Variants in TRAF3 observed in about 807,000 individuals in gnomAD.
TRAF3 encodes the protein TNF receptor associated factor 3.
Under a neutral mutation model 62.3 loss-of-function variants are expected in TRAF3, and 13 were observed. The observed-to-expected ratio is 0.21, with a 90% CI of 0.14 to 0.33. The LOEUF is 0.33. Among genes scored for constraint, TRAF3 ranks in the 10% least tolerant of loss-of-function variants. The pLI is 1.00. For missense variants in TRAF3, 440 were observed against 741.8 expected, an observed-to-expected ratio of 0.59 and a Z score of 4.73; for synonymous variants, 269 against 283.4, an observed-to-expected ratio of 0.95 and a Z score of 0.51.
chr14:102,858,299 G>A (rs558038632), intron 2 of TRAF3, among the ~76,000 whole-genome samples: 6 of 152,076 alleles, frequency 3.9e-5, no homozygotes, highest in African/African-American at 7.2e-5. Context: ...TTACAGGTAC[G>A]CACCACCACG....
intron 2 of TRAF3, among the ~76,000 whole-genome samples, chr14:102,835,606 C>T (rs764017768): frequency 5.3e-5 from 8 of 152,164 alleles, no homozygotes; most frequent in African/African-American, 1.7e-4. Context: ...TTTGCAAGAA[C>T]GTGGTTGGGA....
At chr14:102,898,733 A>G (rs1213601248) in intron 10 of TRAF3, among the ~76,000 whole-genome samples, 1 of 152,244 alleles carries the variant, frequency 6.6e-6, no homozygotes, top group Non-Finnish European at 1.5e-5. Flanking sequence ...TTTCCTCTGC[A>G]TTCATCTTCA....
rs1474452606 is a variant in TRAF3 at position 102,905,936 on chromosome 14, C to T, written c.*152C>T. The T allele has an allele frequency of 9.5e-6, 6 of 630,952 alleles. No individual in the cohort carries two copies. Among genetic ancestry groups the T allele is most frequent in the African/African-American group, 3.7e-5 (2 of 54,328 alleles). 39.1% of individuals were successfully genotyped at this position (630,952 alleles called of 1,614,324 possible). On this transcript the variant is annotated 3_prime_UTR_variant, in exon 12 of 12. Transcript: ENST00000392745. ...ACGCGTGCCGGCGGGAGGAGCCACG[C>T]GTGAGCACACCTGACACGTTTTATA... is the stretch of plus-strand genomic sequence containing the variant.
At chr14:102,904,385 A>G (rs1261826302) in intron 11 of TRAF3, among the ~76,000 whole-genome samples, 2 of 152,180 alleles carry the variant, frequency 1.3e-5, no homozygotes, top group Non-Finnish European at 2.9e-5. Flanking sequence ...GTTGCTTCAG[A>G]TGCTGGTATG....
In TRAF3 at chr14:102,872,113, C is replaced by T. The variant is rs906057439; in HGVS notation, c.297+145C>T. 17 of 828,232 alleles carry T rather than the reference C, an allele frequency of 2.1e-5. No homozygotes were observed. In the Middle Eastern group the frequency reaches 1.5e-3, roughly 74 times the overall value. The allele number at this position is 828,232 out of a possible 1,614,324, so 51.3% of individuals were successfully genotyped here. On this transcript the variant is annotated intron_variant, in intron 4 of 11. Coordinates refer to ENST00000392745, the MANE Select transcript of TRAF3 (RefSeq NM_145725.3). The stretch of plus-strand genomic sequence containing the variant: ...GCAGGCTCCCAGGCAGGACACTGTG[C>T]CATGTGATCACCTGGGCAGACAGTG...
chr14:102,842,311 TTATA>T (rs1253499829), intron 2 of TRAF3, among the ~76,000 whole-genome samples: 3 of 147,870 alleles, frequency 2.0e-5, no homozygotes, highest in Non-Finnish European at 3.0e-5. Flanking sequence ...TAAAATAAAT[TTATA>T]TATAGTAAAA....
In TRAF3 at chr14:102,826,979, G is replaced by A. The variant is rs1900355781; in HGVS notation, c.-156-3355G>A. Reference sequence around the variant, plus strand: ...AGGCTCTGTCAGTGGTGGTGGCGGTGGCTGTACCTGCTCCGGGCTGCTGTG... The same window carrying A: ...AGGCTCTGTCAGTGGTGGTGGCGGTAGCTGTACCTGCTCCGGGCTGCTGTG... On this transcript the variant is annotated intron_variant, in intron 1 of 11. Coordinates refer to ENST00000392745, the MANE Select transcript of TRAF3 (RefSeq NM_145725.3). This position sits in a 1 kb window ranked among gnomAD's most constrained non-coding sequence, Gnocchi z 4.6. Among the ~76,000 whole-genome samples, 1 of 152,184 alleles carries A rather than the reference G, an allele frequency of 6.6e-6. No individual in the cohort carries two copies. Among genetic ancestry groups the A allele is most frequent in the Admixed American group, 6.5e-5 (1 of 15,288 alleles).
At chr14:102,784,380 G>A (rs761638897) in intron 1 of TRAF3, among the ~76,000 whole-genome samples, 24 of 151,866 alleles carry the variant, frequency 1.6e-4, no homozygotes, top group Non-Finnish European at 2.9e-4. Flanking sequence ...CCGCCACCTC[G>A]CCTGGCTAAT....
At chr14:102,813,855 C>T (rs944417859) in intron 1 of TRAF3, among the ~76,000 whole-genome samples, 1 of 152,108 alleles carries the variant, frequency 6.6e-6, no homozygotes, top group Non-Finnish European at 1.5e-5. Context: ...TACTTTCTCC[C>T]ATTCTGTAGG....
intron 1 of TRAF3, among the ~76,000 whole-genome samples, chr14:102,793,683 C>T (rs552280908): frequency 5.3e-5 from 8 of 152,290 alleles, no homozygotes; most frequent in South Asian, 4.1e-4. Flanking sequence ...TGGGGAAAAT[C>T]ATGGCTGATA....
intron 1 of TRAF3, among the ~76,000 whole-genome samples, chr14:102,824,212 T>C: frequency 6.6e-6 from 1 of 152,342 alleles, no homozygotes; most frequent in African/African-American, 2.4e-5. Flanking sequence ...GACTGGGGCT[T>C]GTTTGACCTT....
rs1455164590 is a variant in TRAF3 at position 102,777,631 on chromosome 14, C to G, written c.-201C>G. 7.6e-5 allele frequency: 11 copies of G among 144,524 alleles called. No individual in the cohort carries two copies. Among genetic ancestry groups the G allele is most frequent in the Non-Finnish European group, 1.7e-4 (11 of 65,132 alleles). 9.0% of individuals were successfully genotyped at this position (144,524 alleles called of 1,614,324 possible). ...GAACGCTGCGGACCGCGGCGGAGGA[C>G]GCGCCCGGCGCCCCTGAGCCGGCCG... On this transcript the variant is annotated 5_prime_UTR_variant, in exon 1 of 12. Transcript: ENST00000392745.
chr14:102,796,514 C>T (rs989865283), intron 1 of TRAF3, among the ~76,000 whole-genome samples: 3 of 152,184 alleles, frequency 2.0e-5, no homozygotes, highest in East Asian at 1.9e-4. Flanking sequence ...CCTGGACTTG[C>T]GACTAGTGTC....
intron 2 of TRAF3, among the ~76,000 whole-genome samples, chr14:102,856,580 G>C (rs1413119155): frequency 2.0e-5 from 3 of 152,182 alleles, no homozygotes; most frequent in Non-Finnish European, 4.4e-5. Flanking sequence ...TTTATTACCT[G>C]TATCTTGTGC....
At chr14:102,901,538 C>G (rs1383729792) in intron 10 of TRAF3, among the ~76,000 whole-genome samples, 2 of 152,214 alleles carry the variant, frequency 1.3e-5, no homozygotes, top group East Asian at 3.9e-4. Context: ...GGTATTGTCC[C>G]CCAGCAAATA....
Position 102,870,169 on chromosome 14 carries a change from T to G in TRAF3, c.-17-16T>G. ...ATGAGAGGATATGATGGCACTCTAC[T>G]GTTTTTTCCCGACAGAACTCCTCTT... On this transcript the variant is annotated splice_polypyrimidine_tract_variant and intron_variant, in intron 2 of 11. Coordinates refer to ENST00000392745, the MANE Select transcript of TRAF3 (RefSeq NM_145725.3). The G allele has an allele frequency of 6.2e-7, 1 of 1,614,100 alleles. No individual in the cohort carries two copies.
intron 1 of TRAF3, among the ~76,000 whole-genome samples, chr14:102,822,448 A>G (rs1278694620): frequency 6.6e-6 from 1 of 152,246 alleles, no homozygotes; most frequent in Non-Finnish European, 1.5e-5. Flanking sequence ...CTATGAATTT[A>G]CCAATCTGAG....
At position 102,909,255 on chromosome 14, in the gene TRAF3, A is replaced by C. The variant is rs1176413652; in HGVS notation, c.*3471A>C. 2 of 152,232 alleles carry C rather than the reference A, an allele frequency of 1.3e-5. No homozygotes were observed. Among genetic ancestry groups the C allele is most frequent in the Admixed American group, 6.5e-5 (1 of 15,280 alleles). 9.4% of individuals were successfully genotyped at this position (152,232 alleles called of 1,614,324 possible). ...TCAATTCTAGGAGCCATCAAGCATG[A>C]ATGTGGTTCTGTCTCCTGAGCGCAA... On this transcript the variant is annotated 3_prime_UTR_variant, in exon 12 of 12. Transcript: ENST00000392745.
At chr14:102,822,725 G>T (rs1209154780) in intron 1 of TRAF3, among the ~76,000 whole-genome samples, 1 of 152,212 alleles carries the variant, frequency 6.6e-6, no homozygotes, top group African/African-American at 2.4e-5. Context: ...ACACATGCTG[G>T]CCGGGCGCTG....
Sources: gnomAD v4.1 joint callset for allele counts (sites outside exome capture counted in the v4.1 genomes callset) on GRCh38, gnomAD v4.1.1 for gene constraint, Gnocchi (gnomAD v3.1) non-coding constraint, MANE v1.5 for transcripts, NCBI Gene and HGNC (gene_info 2026-07-23, HGNC 2026-07-21) for gene names.